The following FARSB variants were observed in gnomAD, a reference collection of about 807,000 sequenced individuals.
The protein encoded by FARSB is phenylalanine--tRNA ligase beta subunit.
Under a neutral mutation model 69.6 loss-of-function variants are expected in FARSB, and 40 were observed. The observed-to-expected ratio is 0.57, with a 90% CI of 0.45 to 0.75. FARSB has a LOEUF of 0.75. FARSB is among the 30% of genes least tolerant of loss of function. FARSB has a pLI of 0.00. For missense variants in FARSB, 632 were observed against 722.9 expected (o/e 0.87, Z 1.44); for synonymous variants, 235 against 247.2 (o/e 0.95, Z 0.46).
chr2:222,647,111 C>G (rs1240928953), intron 2 of FARSB, among the ~76,000 whole-genome samples: 1 of 152,210 alleles, frequency 6.6e-6, no homozygotes, highest in South Asian at 2.1e-4. Context: ...AACTACCCAG[C>G]TGGGGATTGC....
intron 16 of FARSB, among the ~76,000 whole-genome samples, chr2:222,591,887 T>C (rs75699759): frequency 2.8e-3 from 433 of 152,328 alleles, no homozygotes; most frequent in African/African-American, 9.9e-3. Flanking sequence ...ACTTTACATG[T>C]AGATACAAGA....
At chr2:222,622,460 T>C (rs1463849731) in intron 13 of FARSB, among the ~76,000 whole-genome samples, 1 of 152,258 alleles carries the variant, frequency 6.6e-6, no homozygotes. Flanking sequence ...TGGTTTAATC[T>C]ACATGGTTAA....
chr2:222,583,710 C>T (rs2106182524), intron 16 of FARSB, among the ~76,000 whole-genome samples: 1 of 152,154 alleles, frequency 6.6e-6, no homozygotes, highest in Non-Finnish European at 1.5e-5. Flanking sequence ...AATGTAGTTC[C>T]CATAATCCCC....
chr2:222,624,819 T>C, intron 10 of FARSB, 44 bp from the exon 11 acceptor site: 1 of 1,244,452 alleles, frequency 8.0e-7, no homozygotes, highest in Non-Finnish European at 1.2e-6. Flanking sequence ...TCCCATCAGA[T>C]ACAGCTTTAG....
At chr2:222,636,840 T>C (rs774188200) in intron 5 of FARSB, among the ~76,000 whole-genome samples, 10 of 152,162 alleles carry the variant, frequency 6.6e-5, no homozygotes, top group Non-Finnish European at 1.0e-4. Flanking sequence ...TGATATTCTA[T>C]ATGCATCAAA....
Position 222,640,801 on chromosome 2 carries a change from T to C in FARSB, c.339+61A>G, listed in dbSNP as rs528098182. 94 of 834,464 alleles carry C rather than the reference T, an allele frequency of 1.1e-4. 1 individual carries two copies. The African/African-American group carries it at 1.3e-3, about 12-fold the overall frequency. The allele number at this position is 834,464 out of a possible 1,614,324, so 51.7% of individuals were successfully genotyped here. ...AGCTTTGTTTCTCTTTCCTCCCCAC[T>C]TTATACAGACATGTACAAAAGAAAA... is the stretch of plus-strand genomic sequence containing the variant. On this transcript the variant is annotated intron_variant, in intron 4 of 16. Coordinates refer to ENST00000281828, the MANE Select transcript of FARSB (RefSeq NM_005687.5).
chr2:222,632,079 G>A (rs1181895377), intron 7 of FARSB, among the ~76,000 whole-genome samples: 1 of 142,974 alleles, frequency 7.0e-6, no homozygotes, highest in Non-Finnish European at 1.5e-5. Context: ...TGGCACGAGA[G>A]TGTGCCATTG....
Position 222,567,456 on chromosome 2 carries a change from A to G in FARSB, c.*4415T>C, listed in dbSNP as rs1689652485. The G allele has an allele frequency of 6.6e-6, 1 of 152,244 alleles. No homozygotes were observed. Among genetic ancestry groups the G allele is most frequent in the East Asian group, 1.9e-4 (1 of 5,208 alleles). 9.4% of individuals were successfully genotyped at this position (152,244 alleles called of 1,614,324 possible). A position where few individuals can be genotyped will look rare whatever the true frequency, so the allele number is the denominator to read the frequency against. ...GTTAGTGATGTTATATAAAACACCA[A>G]GCACAAATAGATTAAGATTGAGAAG... On this transcript the variant is annotated 3_prime_UTR_variant, in exon 17 of 17. Coordinates refer to ENST00000281828, the MANE Select transcript of FARSB (RefSeq NM_005687.5).
At position 222,598,753 on chromosome 2, in the gene FARSB, G is replaced by A. The variant is rs139132387; in HGVS notation, c.1618+1175C>T. Among the ~76,000 whole-genome samples the A allele has an allele frequency of 2.4e-3, 358 of 152,172 alleles. 1 individual carries two copies. Among genetic ancestry groups the A allele is most frequent in the African/African-American group, 8.2e-3 (340 of 41,524 alleles). Reference sequence around the variant, plus strand: ...CTGTGGGGTCAACATGCATGACCCGGCTCCGGCTTCTTTAACTTGCCTAAC... The same window carrying A: ...CTGTGGGGTCAACATGCATGACCCGACTCCGGCTTCTTTAACTTGCCTAAC... On this transcript the variant is annotated intron_variant, in intron 16 of 16. Coordinates refer to ENST00000281828, the MANE Select transcript of FARSB (RefSeq NM_005687.5).
Position 222,613,780 on chromosome 2 carries a change from A to C in FARSB, c.1462+31T>G, listed in dbSNP as rs115420910. 0.012 allele frequency: 16,411 copies of C among 1,322,918 alleles called. 111 individuals carry two copies. Among genetic ancestry groups the C allele is most frequent in the Non-Finnish European group, 0.014 (12,553 of 919,674 alleles). The allele number at this position is 1,322,918 out of a possible 1,614,324, so 81.9% of individuals were successfully genotyped here. A position where few individuals can be genotyped will look rare whatever the true frequency, so the allele number is the denominator to read the frequency against. ...ATAATGAAAAAAATGTTTTAAATAC[A>C]CAAATCAAATCAAAGGTGACTTATT... On this transcript the variant is annotated intron_variant, in intron 15 of 16. Transcript: ENST00000281828.
At chr2:222,640,528 G>A (rs1007165204) in intron 4 of FARSB, among the ~76,000 whole-genome samples, 54 of 151,814 alleles carry the variant, frequency 3.6e-4, no homozygotes, top group African/African-American at 1.2e-3. Flanking sequence ...AGAAGCTGCA[G>A]GGGAAGTATC....
rs140980378 is a variant in FARSB, at chr2:222,579,120, A to G, written c.1619-7098T>C. ...AGTTACAGATGGGAAAAAGTGAAGCACAAGGAGATTAGGAGGCTTGCCCTA... is the reference window on the plus strand; with the variant it reads ...AGTTACAGATGGGAAAAAGTGAAGCGCAAGGAGATTAGGAGGCTTGCCCTA... On this transcript the variant is annotated intron_variant, in intron 16 of 16. Transcript: ENST00000281828. Among the ~76,000 whole-genome samples the G allele has an allele frequency of 4.5e-3, 689 of 152,350 alleles. 5 individuals carry two copies. Among genetic ancestry groups the G allele is most frequent in the African/African-American group, 0.016 (662 of 41,588 alleles).
At chr2:222,636,191 G>A (rs1357815470) in intron 5 of FARSB, among the ~76,000 whole-genome samples, 1 of 151,922 alleles carries the variant, frequency 6.6e-6, no homozygotes, top group Non-Finnish European at 1.5e-5. Context: ...TGGATCACAA[G>A]GTCAGGTGAT....
At chr2:222,641,707 T>C (rs926096888) in intron 3 of FARSB, among the ~76,000 whole-genome samples, 3 of 152,196 alleles carry the variant, frequency 2.0e-5, no homozygotes, top group Non-Finnish European at 2.9e-5. Context: ...CTGGGCAGGT[T>C]TGGGAAACGA....
chr2:222,571,869 C>G lies in FARSB; in HGVS notation c.*2G>C. 6.2e-7 allele frequency: 1 copy of G among 1,611,544 alleles called. No individual in the cohort carries two copies. The highest frequency in any genetic ancestry group is 8.5e-7 in the Non-Finnish European group (1 of 1,178,846). On this transcript the variant is annotated 3_prime_UTR_variant, in exon 17 of 17. Transcript: ENST00000281828. The stretch of plus-strand genomic sequence containing the variant: ...AGAGAATCACACCACAGAGACCAAT[C>G]TTCACAAAAAGGGTCCAACATTGAT...
chr2:222,583,672 C>G (rs147135331), intron 16 of FARSB, among the ~76,000 whole-genome samples: 2,899 of 152,168 alleles, frequency 0.019, 50 homozygotes, highest in South Asian at 0.048. Flanking sequence ...TATGGTTTGG[C>G]TGTGTCCCTA....
chr2:222,599,561 T>C (rs531714522), intron 16 of FARSB, among the ~76,000 whole-genome samples: 1 of 152,332 alleles, frequency 6.6e-6, no homozygotes, highest in South Asian at 2.1e-4. Flanking sequence ...CAGGCAGCTT[T>C]TGAGTGCAAA....
At chr2:222,610,048 A>G (rs566239663) in intron 15 of FARSB, among the ~76,000 whole-genome samples, 10 of 152,332 alleles carry the variant, frequency 6.6e-5, no homozygotes, top group Admixed American at 2.6e-4. Flanking sequence ...CATTATCTGT[A>G]AGAATCTGCT....
Position 222,633,279 on chromosome 2 carries a change from T to G in FARSB, c.635A>C (p.His212Pro). ...KTDNHLKHYL[H>P]IIENKPLYPV... ...ATACAGGGGTTTGTTTTCAATGATA[T>G]GTAAATAATGTTTCAGGTGATTGTC... Residue 212 changes from histidine (H) to proline (P), a missense_variant, in exon 7 of 17, where the codon CAT becomes CCT. Physicochemically the swap from His to Pro is moderately conservative, Grantham distance 77 (BLOSUM62 -2). Coordinates refer to ENST00000281828, the MANE Select transcript of FARSB (RefSeq NM_005687.5). 5 of 1,558,712 alleles carry G rather than the reference T, an allele frequency of 3.2e-6. No homozygotes were observed. The highest frequency in any genetic ancestry group is 3.5e-6 in the Non-Finnish European group (4 of 1,145,136).
Sources: gnomAD v4.1 joint callset for allele counts (sites outside exome capture counted in the v4.1 genomes callset) on GRCh38, gnomAD v4.1.1 for gene constraint, MANE v1.5 for transcripts, NCBI Gene and HGNC (gene_info 2026-07-23, HGNC 2026-07-21) for gene names.